SMOX: variants seen among roughly 807,000 people sequenced by gnomAD.
The protein encoded by SMOX is spermine oxidase.
Under a neutral mutation model 51.0 loss-of-function variants are expected in SMOX, and 22 were observed. The observed-to-expected ratio is 0.43, with a 90% CI of 0.31 to 0.62. SMOX has a LOEUF of 0.62. Ranked by LOEUF, SMOX falls within the 20% of genes least tolerant of loss-of-function variation. The pLI is 0.10. For synonymous variants in SMOX, 282 were observed against 307.8 expected (o/e 0.92, Z 0.88); for missense variants, 566 against 777.7 (o/e 0.73, Z 3.24).
rs763266369 is a variant in SMOX, at chr20:4,182,625, C to G, written c.1146C>G (p.Asn382Lys). The change falls in exon 5 of 7, where the codon AAC (asparagine) becomes AAG (lysine). Residue 382 changes from asparagine (N) to lysine (K), a missense_variant. Physicochemically the swap from Asn to Lys is moderately conservative, Grantham distance 94. This residue lies in a region of SMOX where 347 missense variants were observed against 481.8 expected (regional missense o/e 0.72). Transcript: ENST00000305958. This position sits in a 1 kb window ranked among gnomAD's most constrained non-coding sequence, Gnocchi z 8.4. ...FEEPFWGPEC[N>K]SLQFVWEDEA... ...AGCCCTTCTGGGGCCCTGAGTGCAA[C>G]AGCCTACAGTTTGTGTGGGAGGACG... is the stretch of plus-strand genomic sequence containing the variant. The G allele has an allele frequency of 6.2e-7, 1 of 1,614,134 alleles. No individual in the cohort carries two copies. Among genetic ancestry groups the G allele is most frequent in the Admixed American group, 1.7e-5 (1 of 60,024 alleles).
Position 4,183,599 on chromosome 20 carries a change from C to G in SMOX, c.1475C>G (p.Ala492Gly), listed in dbSNP as rs1049711750. The stretch of plus-strand genomic sequence containing the variant: ...TACACGCAGGTGGGCTCCAGCGGGG[C>G]GGATGTGGAGAAGCTGGCCAAGCCC... Reference protein sequence around the residue: ...YSYTQVGSSGADVEKLAKPLP... With the variant: ...YSYTQVGSSGGDVEKLAKPLP... Residue 492 changes from alanine to glycine, a missense_variant, in exon 6 of 7, where the codon GCG (alanine) becomes GGG (glycine). Coordinates refer to ENST00000305958, the MANE Select transcript of SMOX (RefSeq NM_175839.3). This position sits in a 1 kb window ranked among gnomAD's most constrained non-coding sequence, Gnocchi z 4.3. The G allele has an allele frequency of 3.1e-6, 5 of 1,608,100 alleles. No homozygotes were observed. Among genetic ancestry groups the G allele is most frequent in the Non-Finnish European group, 3.4e-6 (4 of 1,176,538 alleles).
In SMOX at chr20:4,153,886, C is replaced by G. The variant is rs929451934; in HGVS notation, c.-27+4909C>G. On this transcript the variant is annotated intron_variant, in intron 1 of 6. Coordinates refer to ENST00000305958, the MANE Select transcript of SMOX (RefSeq NM_175839.3). This position sits in a 1 kb window ranked among gnomAD's most constrained non-coding sequence, Gnocchi z 4.4. ...TGAGGTGGACTTCCTGACAAGTAGA[C>G]ACTGGGCCTTGTTAGCTGTGGTCAG... Among the ~76,000 whole-genome samples, 1 of 152,170 alleles carries G rather than the reference C, an allele frequency of 6.6e-6. No individual in the cohort carries two copies. The highest frequency in any genetic ancestry group is 2.4e-5 in the African/African-American group (1 of 41,428).
intron 1 of SMOX, among the ~76,000 whole-genome samples, chr20:4,163,435 G>T (rs564902297): frequency 2.6e-5 from 4 of 152,326 alleles, no homozygotes; most frequent in African/African-American, 7.2e-5. Context: ...GGGGTTGGTT[G>T]GGGGAGTGTT....
intron 6 of SMOX, among the ~76,000 whole-genome samples, chr20:4,184,078 C>G (rs1055006591): frequency 2.6e-4 from 40 of 151,640 alleles, no homozygotes; most frequent in African/African-American, 9.0e-4. Context: ...CTCCTGGGCT[C>G]AAGTGATCCT....
Position 4,182,170 on chromosome 20 carries a change from G to A in SMOX, c.691G>A (p.Ala231Thr), listed in dbSNP as rs748652848. The change falls in exon 5 of 7, where the codon GCT (alanine) becomes ACT (threonine). Residue 231 changes from alanine to threonine, a missense_variant. Ala to Thr is a moderately conservative substitution (Grantham distance 58). Coordinates refer to ENST00000305958, the MANE Select transcript of SMOX (RefSeq NM_175839.3). This position sits in a 1 kb window ranked among gnomAD's most constrained non-coding sequence, Gnocchi z 8.4. Reference protein sequence around the residue: ...AFGEWTEIPGAHHIIPSGFMR... With the variant: ...AFGEWTEIPGTHHIIPSGFMR... Reference sequence around the variant, plus strand: ...CGGGGAGTGGACCGAGATCCCCGGCGCTCACCACATCATCCCCTCGGGCTT... The same window carrying A: ...CGGGGAGTGGACCGAGATCCCCGGCACTCACCACATCATCCCCTCGGGCTT... 2.5e-6 allele frequency: 4 copies of A among 1,613,176 alleles called. No individual in the cohort carries two copies. The highest frequency in any genetic ancestry group is 3.4e-6 in the Non-Finnish European group (4 of 1,179,960).
chr20:4,179,583 T>A (rs1979168889), intron 3 of SMOX, among the ~76,000 whole-genome samples: 1 of 152,220 alleles, frequency 6.6e-6, no homozygotes, highest in Non-Finnish European at 1.5e-5. Context: ...GAAGAGCCAC[T>A]CATCTGAATG....
intron 1 of SMOX, among the ~76,000 whole-genome samples, chr20:4,165,150 G>T (rs996506186): frequency 2.1e-5 from 3 of 146,008 alleles, no homozygotes; most frequent in Admixed American, 7.4e-5. Context: ...CGCCTCCGAG[G>T]TTCAAGTGAT....
intron 1 of SMOX, among the ~76,000 whole-genome samples, chr20:4,165,557 A>T (rs967877870): frequency 6.6e-6 from 1 of 152,066 alleles, no homozygotes; most frequent in Admixed American, 6.5e-5. Flanking sequence ...CAGAGTTGGG[A>T]TGTTAGGTCC....
chr20:4,179,569 C>T (rs550653485), intron 3 of SMOX, among the ~76,000 whole-genome samples: 2 of 152,192 alleles, frequency 1.3e-5, no homozygotes, highest in East Asian at 1.9e-4. Flanking sequence ...AAGATGATGA[C>T]GTTGAAGAGC....
chr20:4,161,572 G>A (rs774804830), intron 1 of SMOX, among the ~76,000 whole-genome samples: 1 of 152,136 alleles, frequency 6.6e-6, no homozygotes, highest in Non-Finnish European at 1.5e-5. Context: ...TGCTGATGTG[G>A]CCCTTGCCCT....
In SMOX at chr20:4,177,018, G is replaced by A. The variant is rs920925978; in HGVS notation, c.209-333G>A. Among the ~76,000 whole-genome samples the A allele has an allele frequency of 1.3e-5, 2 of 152,216 alleles. No homozygotes were observed. Among genetic ancestry groups the A allele is most frequent in the Non-Finnish European group, 2.9e-5 (2 of 68,046 alleles). ...GGTACCCACAGTGCTTCTCCCCGGT[G>A]AGGAGGCACCAGTGAGGAAGTGGGG... On this transcript the variant is annotated intron_variant, in intron 2 of 6. Coordinates refer to ENST00000305958, the MANE Select transcript of SMOX (RefSeq NM_175839.3). This position sits in a 1 kb window ranked among gnomAD's most constrained non-coding sequence, Gnocchi z 4.3.
rs143669945 is a variant in SMOX, at chr20:4,153,130, A to G, written c.-27+4153A>G. ...GTGGGTGACCGAATTTTTCTGCTTC[A>G]TGCCCCACTTTTTCTTCCAGGAGGG... On this transcript the variant is annotated intron_variant, in intron 1 of 6. Coordinates refer to ENST00000305958, the MANE Select transcript of SMOX (RefSeq NM_175839.3). The surrounding 1 kb of genome is among the most constrained non-coding windows in gnomAD (Gnocchi z 4.4). Among the ~76,000 whole-genome samples, 71 of 152,242 alleles carry G rather than the reference A, an allele frequency of 4.7e-4. No homozygotes were observed. Among genetic ancestry groups the G allele is most frequent in the African/African-American group, 1.5e-3 (63 of 41,552 alleles).
chr20:4,182,229 C>G lies in SMOX; in HGVS notation c.750C>G (p.Ile250Met). The change falls in exon 5 of 7, where the codon ATC (isoleucine) becomes ATG (methionine). Residue 250 changes from isoleucine (I) to methionine (M), a missense_variant. Ile to Met is a conservative substitution (Grantham distance 10, BLOSUM62 1). Transcript: ENST00000305958. This position sits in a 1 kb window ranked among gnomAD's most constrained non-coding sequence, Gnocchi z 8.4. ...TTGTGGAGCTGCTGGCGGAGGGCATCCCTGCCCACGTCATCCAGCTAGGGA... is the reference window on the plus strand; with the variant it reads ...TTGTGGAGCTGCTGGCGGAGGGCATGCCTGCCCACGTCATCCAGCTAGGGA... Reference protein sequence around the residue: ...MRVVELLAEGIPAHVIQLGKP... With the variant: ...MRVVELLAEGMPAHVIQLGKP... 6.2e-7 allele frequency: 1 copy of G among 1,613,690 alleles called. No individual in the cohort carries two copies. Among genetic ancestry groups the G allele is most frequent in the Non-Finnish European group, 8.5e-7 (1 of 1,180,002 alleles).
Position 4,153,969 on chromosome 20 carries a change from C to T in SMOX, c.-27+4992C>T, listed in dbSNP as rs180912805. 9.8e-5 allele frequency among the ~76,000 whole-genome samples: 15 copies of T among 152,298 alleles called. No individual in the cohort carries two copies. Among genetic ancestry groups the T allele is most frequent in the East Asian group, 5.8e-4 (3 of 5,184 alleles). Reference sequence around the variant, plus strand: ...TCAGAGCCTTTGGGAACACAGGACACGGTTCCTGCTCTCCAGGAAATAAAC... The same window carrying T: ...TCAGAGCCTTTGGGAACACAGGACATGGTTCCTGCTCTCCAGGAAATAAAC... On this transcript the variant is annotated intron_variant, in intron 1 of 6. Coordinates refer to ENST00000305958, the MANE Select transcript of SMOX (RefSeq NM_175839.3). This position sits in a 1 kb window ranked among gnomAD's most constrained non-coding sequence, Gnocchi z 4.4.
Position 4,170,553 on chromosome 20 carries a change from G to A in SMOX, c.-26-4477G>A, listed in dbSNP as rs1475691606. On this transcript the variant is annotated intron_variant, in intron 1 of 6. Coordinates refer to ENST00000305958, the MANE Select transcript of SMOX (RefSeq NM_175839.3). This position sits in a 1 kb window ranked among gnomAD's most constrained non-coding sequence, Gnocchi z 4.6. ...GCCATCTCAGCTCACTGCAACTAGA[G>A]CGTAAATTTCTGAGGGTGTCAAAAT... 6.6e-6 allele frequency among the ~76,000 whole-genome samples: 1 copy of A among 152,112 alleles called. No homozygotes were observed. The highest frequency in any genetic ancestry group is 6.6e-5 in the Admixed American group (1 of 15,260).
chr20:4,173,926 C>T (rs1398750360), intron 1 of SMOX, among the ~76,000 whole-genome samples: 2 of 152,270 alleles, frequency 1.3e-5, no homozygotes, highest in East Asian at 3.8e-4. Flanking sequence ...ACCCCCTTGG[C>T]CTCCCAGCCA....
At chr20:4,186,118 A>G (rs1979712705) in intron 6 of SMOX, among the ~76,000 whole-genome samples, 1 of 151,950 alleles carries the variant, frequency 6.6e-6, no homozygotes, top group Non-Finnish European at 1.5e-5. Context: ...CCTGGGCAAC[A>G]AAGTAAGACC....
intron 1 of SMOX, among the ~76,000 whole-genome samples, chr20:4,151,930 G>A (rs990739420): frequency 3.3e-5 from 5 of 152,170 alleles, no homozygotes; most frequent in African/African-American, 1.2e-4. Flanking sequence ...GGCAGGTTGG[G>A]GCTGGATTGG....
Position 4,153,109 on chromosome 20 carries a change from G to T in SMOX, c.-27+4132G>T, listed in dbSNP as rs889307636. 1.3e-5 allele frequency among the ~76,000 whole-genome samples: 2 copies of T among 152,182 alleles called. No homozygotes were observed. Among genetic ancestry groups the T allele is most frequent in the Admixed American group, 1.3e-4 (2 of 15,280 alleles). ...TAGAAGGGGTCCTCGCTTGGAGTGG[G>T]TGACCGAATTTTTCTGCTTCATGCC... is the stretch of plus-strand genomic sequence containing the variant. On this transcript the variant is annotated intron_variant, in intron 1 of 6. Coordinates refer to ENST00000305958, the MANE Select transcript of SMOX (RefSeq NM_175839.3). This position sits in a 1 kb window ranked among gnomAD's most constrained non-coding sequence, Gnocchi z 4.4.
Sources: allele counts gnomAD v4.1 joint callset (sites outside exome capture counted in the v4.1 genomes callset), GRCh38; gene constraint gnomAD v4.1.1; regional missense constraint gnomAD v4.1.1; non-coding constraint Gnocchi (gnomAD v3.1); transcripts MANE v1.5; gene names NCBI Gene and HGNC (gene_info 2026-07-23, HGNC 2026-07-21).